Variants in KLHDC4 observed in about 807,000 individuals in gnomAD.
The protein encoded by KLHDC4 is kelch domain containing 4, also known as kelch domain-containing protein 4.
A neutral mutation model predicts 62.4 loss-of-function variants in KLHDC4; 90 were observed. The ratio of observed to expected loss-of-function variants is 1.44; its 90% confidence interval spans 1.22 to 1.72. The LOEUF (loss-of-function observed/expected upper bound fraction) is 1.72, where lower values mean the gene tolerates loss of function less well. Among genes scored for constraint, KLHDC4 ranks in the 40% most tolerant of loss-of-function variants. The pLI is 0.00. For synonymous variants in KLHDC4, 386 were observed against 284.4 expected, an observed-to-expected ratio of 1.36 and a Z score of -3.59; for missense variants, 1,025 against 699.7, an observed-to-expected ratio of 1.47 and a Z score of -5.25.
At chr16:87,761,754 C>T (rs2045927234) in intron 2 of KLHDC4, among the ~76,000 whole-genome samples, 195 bp downstream of exon 2, 1 of 152,140 alleles carries the variant, frequency 6.6e-6, no homozygotes, top group Non-Finnish European at 1.5e-5. Context: ...TGCTGTAGGC[C>T]CTGCTCCCAG....
At position 87,712,943 on chromosome 16, in the gene KLHDC4, C is replaced by T. The variant is rs148616853; in HGVS notation, c.836-1500G>A. Among the ~76,000 whole-genome samples the T allele has an allele frequency of 6.5e-3, 984 of 152,332 alleles. 13 individuals are homozygous for T. The highest frequency in any genetic ancestry group is 0.023 in the African/African-American group (938 of 41,574). On this transcript the variant is annotated intron_variant, in intron 8 of 11. Transcript: ENST00000270583. The stretch of plus-strand genomic sequence containing the variant: ...CCTGGTTTCCTAACGGCACTGGGGA[C>T]GCTAAACTCCACGGCAAACACCCTT...
intron 6 of KLHDC4, among the ~76,000 whole-genome samples, chr16:87,730,105 C>A (rs2040078654): frequency 6.6e-6 from 1 of 152,196 alleles, no homozygotes; most frequent in Non-Finnish European, 1.5e-5. Flanking sequence ...AGGCACCTGC[C>A]ACCACGCCTG....
intron 5 of KLHDC4, among the ~76,000 whole-genome samples, chr16:87,736,659 C>T (rs1372888925): frequency 6.6e-6 from 1 of 152,124 alleles, no homozygotes; most frequent in Non-Finnish European, 1.5e-5. Context: ...GATTAGTAGC[C>T]GTCTCCAGAA....
At chr16:87,738,357 GCACACACACA>G (rs112406800) in intron 5 of KLHDC4, among the ~76,000 whole-genome samples, 2 of 149,850 alleles carry the variant, frequency 1.3e-5, no homozygotes, top group East Asian at 2.0e-4. Context: ...ACACGGACGT[GCACACACACA>G]CACACACACA....
Position 87,765,969 on chromosome 16 carries a change from G to C in KLHDC4, c.-79C>G. 1.4e-6 allele frequency: 2 copies of C among 1,398,228 alleles called. No homozygotes were observed. The highest frequency in any genetic ancestry group is 1.7e-4 in the Middle Eastern group (1 of 5,736). 86.6% of individuals were successfully genotyped at this position (1,398,228 alleles called of 1,614,324 possible). On this transcript the variant is annotated 5_prime_UTR_variant, in exon 1 of 12. Transcript: ENST00000270583. Reference sequence around the variant, plus strand: ...CTCCGCTCGGAAACAGGTGCTCGTGGGGCGGAGCTCGGCGCACAGAAATGG... The same window carrying C: ...CTCCGCTCGGAAACAGGTGCTCGTGCGGCGGAGCTCGGCGCACAGAAATGG...
chr16:87,735,684 C>T (rs1007749742), intron 5 of KLHDC4, among the ~76,000 whole-genome samples: 1 of 152,200 alleles, frequency 6.6e-6, no homozygotes, highest in African/African-American at 2.4e-5. Flanking sequence ...TATTTGAAAC[C>T]CCAACAGGCT....
intron 1 of KLHDC4, 67 bp downstream of exon 1, chr16:87,765,725 C>T (rs2046564034): frequency 6.3e-6 from 9 of 1,436,366 alleles, no homozygotes; most frequent in Non-Finnish European, 8.5e-6. Context: ...CCCCGGGGGG[C>T]GCAGGGAGTC....
Position 87,714,292 on chromosome 16 carries a change from C to A in KLHDC4, c.835+206G>T, listed in dbSNP as rs931431481. 3 of 741,576 alleles carry A rather than the reference C, an allele frequency of 4.0e-6. No homozygotes were observed. The African/African-American group carries it at 5.7e-5, about 14-fold the overall frequency. 45.9% of individuals were successfully genotyped at this position (741,576 alleles called of 1,614,324 possible). ...TTCTCAGTCAGTCCATCATCAATGCCCCCAAAGGTGATTGCCCAGCAGACA... is the reference window on the plus strand; with the variant it reads ...TTCTCAGTCAGTCCATCATCAATGCACCCAAAGGTGATTGCCCAGCAGACA... On this transcript the variant is annotated intron_variant, in intron 8 of 11. Transcript: ENST00000270583.
chr16:87,709,420 G>C lies in KLHDC4; in HGVS notation c.1292C>G (p.Pro431Arg), dbSNP rs1464203839. The change falls in exon 10 of 12, where the codon CCA (proline) becomes CGA (arginine). Residue 431 changes from proline to arginine, a missense_variant. By Grantham distance (103) the Pro-to-Arg change is moderately radical (BLOSUM62 -2). Transcript: ENST00000270583. The stretch of plus-strand genomic sequence containing the variant: ...CACAGCCAGCATGGCGTTGGAGCGT[G>C]GACACGGCCCAGGTGCGGGGCTGCC... ...EAGSPAPGPC[P>R]RSNAMLAVKH... 6.2e-7 allele frequency: 1 copy of C among 1,613,084 alleles called. No homozygotes were observed. Among genetic ancestry groups the C allele is most frequent in the African/African-American group, 1.3e-5 (1 of 75,054 alleles).
chr16:87,758,721 C>T lies in KLHDC4; in HGVS notation c.192-2244G>A, dbSNP rs575032687. Among the ~76,000 whole-genome samples, 21 of 152,318 alleles carry T rather than the reference C, an allele frequency of 1.4e-4. No homozygotes were observed. In the South Asian group the frequency reaches 2.7e-3, roughly 20 times the overall value. On this transcript the variant is annotated intron_variant, in intron 2 of 11. Coordinates refer to ENST00000270583, the MANE Select transcript of KLHDC4 (RefSeq NM_017566.4). ...CATGTTTTAAGAAAGTTTACAAATACGTGTCACGCTGCATTCGAAGCTGTC... is the reference window on the plus strand; with the variant it reads ...CATGTTTTAAGAAAGTTTACAAATATGTGTCACGCTGCATTCGAAGCTGTC...
chr16:87,725,100 T>TG (rs11441992), intron 7 of KLHDC4, among the ~76,000 whole-genome samples: 100,676 of 151,948 alleles, frequency 0.66, 33,737 homozygotes, highest in African/African-American at 0.76. Context: ...TCTGGGTGAC[T>TG]TGTTTAGCAG....
chr16:87,719,589 G>A (rs2037835661), intron 7 of KLHDC4, among the ~76,000 whole-genome samples: 2 of 151,696 alleles, frequency 1.3e-5, no homozygotes, highest in African/African-American at 4.9e-5. Flanking sequence ...ATGTTTATCT[G>A]CTGACCTTCC....
intron 5 of KLHDC4, among the ~76,000 whole-genome samples, chr16:87,743,625 A>G (rs1219038893): frequency 1.3e-5 from 2 of 151,952 alleles, no homozygotes; most frequent in East Asian, 3.9e-4. Context: ...CTGTAGTCCC[A>G]GCTACTCGGG....
chr16:87,723,457 C>T (rs184082619), intron 7 of KLHDC4, among the ~76,000 whole-genome samples: 45 of 152,386 alleles, frequency 3.0e-4, no homozygotes, highest in Non-Finnish European at 4.8e-4. Context: ...GGCTGTTCAC[C>T]GTCCTGCTGC....
intron 9 of KLHDC4, 105 bp downstream of exon 9, chr16:87,711,130 G>T: frequency 8.7e-7 from 1 of 1,146,346 alleles, no homozygotes; most frequent in Non-Finnish European, 1.3e-6. Flanking sequence ...GAGCTCATGG[G>T]CTTTGGGGGC....
intron 2 of KLHDC4, among the ~76,000 whole-genome samples, chr16:87,760,696 G>A (rs944324401): frequency 4.0e-5 from 6 of 150,106 alleles, no homozygotes; most frequent in African/African-American, 1.5e-4. Context: ...TATATCAGAA[G>A]CCTAAGATCA....
Position 87,755,277 on chromosome 16 carries a change from C to T in KLHDC4, c.286G>A (p.Glu96Lys). The change falls in exon 4 of 12, where the codon GAG becomes AAG. Residue 96 changes from glutamate to lysine, a missense_variant. Transcript: ENST00000270583. ...FNGQKTFLYN[E>K]LYVYNTRKDT... The stretch of plus-strand genomic sequence containing the variant: ...TTTCTGGTATTGTAGACATAGAGCT[C>T]GTTATACAAAAAAGTCTACAGGAAG... 2.5e-6 allele frequency: 4 copies of T among 1,597,948 alleles called. No homozygotes were observed. The highest frequency in any genetic ancestry group is 2.2e-5 in the South Asian group (2 of 90,502).
downstream of KLHDC4, among the ~76,000 whole-genome samples, chr16:87,707,581 T>C (rs1040114648): frequency 6.6e-5 from 10 of 152,170 alleles, no homozygotes; most frequent in Non-Finnish European, 1.5e-4. Context: ...AGTGTGAATA[T>C]GGATGGGCAG....
chr16:87,751,252 G>T (rs2043880049), intron 4 of KLHDC4, among the ~76,000 whole-genome samples: 1 of 152,192 alleles, frequency 6.6e-6, no homozygotes, highest in Non-Finnish European at 1.5e-5. Context: ...GAGGGAGGTA[G>T]ATCATGAGGT....
Sources: allele counts gnomAD v4.1 joint callset (sites outside exome capture counted in the v4.1 genomes callset), GRCh38; gene constraint gnomAD v4.1.1; transcripts MANE v1.5; gene names NCBI Gene and HGNC (gene_info 2026-07-23, HGNC 2026-07-21).